Variants in DPP6 observed in about 807,000 individuals in gnomAD.
DPP6 encodes the protein A-type potassium channel modulatory protein DPP6.
Under a neutral mutation model 122.6 loss-of-function variants are expected in DPP6, and 69 were observed. The ratio of observed to expected loss-of-function variants is 0.56; its 90% CI spans 0.46 to 0.69. DPP6 has a LOEUF of 0.69. Among genes scored for constraint, DPP6 ranks in the 30% least tolerant of loss-of-function variants. The pLI is 0.00. For synonymous variants in DPP6, 418 were observed against 433.1 expected, an observed-to-expected ratio of 0.97 and a Z score of 0.43; for missense variants, 928 against 1,116.9, an observed-to-expected ratio of 0.83 and a Z score of 2.41.
intron 5 of DPP6, among the ~76,000 whole-genome samples, chr7:154,570,263 TGTTTAA>T (rs1321175956): frequency 5.9e-5 from 9 of 151,942 alleles, no homozygotes; most frequent in Admixed American, 4.6e-4. Flanking sequence ...GAAGGAAAGA[TGTTTAA>T]GTTTAATTTT....
chr7:154,669,339 G>A (rs1030724179), intron 6 of DPP6, 21 bp from the exon 7 acceptor site: 1 of 1,551,928 alleles, frequency 6.4e-7, no homozygotes, highest in South Asian at 1.2e-5. Flanking sequence ...CTTTGTTTTT[G>A]TTTGTTTGTT....
intron 1 of DPP6, among the ~76,000 whole-genome samples, chr7:153,951,089 G>T (rs1470680474): frequency 6.9e-6 from 1 of 144,476 alleles, no homozygotes; most frequent in Non-Finnish European, 1.5e-5. Flanking sequence ...TAAGAGGGAA[G>T]AAATAAAAAA....
rs976389865 is a variant in DPP6 at position 154,282,955 on chromosome 7, G to A, written c.244-163259G>A. Among the ~76,000 whole-genome samples the A allele has an allele frequency of 6.6e-6, 1 of 151,998 alleles. No individual in the cohort carries two copies. The highest frequency in any genetic ancestry group is 2.4e-5 in the African/African-American group (1 of 41,352). On this transcript the variant is annotated intron_variant, in intron 1 of 25. Transcript: ENST00000377770. This position sits in a 1 kb window ranked among gnomAD's most constrained non-coding sequence, Gnocchi z 4.8. ...TCTGATGCCTAGCTCTGGACTCAAGGGCATCAGACATCAGAACACGTCTCT... is the reference window on the plus strand; with the variant it reads ...TCTGATGCCTAGCTCTGGACTCAAGAGCATCAGACATCAGAACACGTCTCT...
chr7:154,763,813 T>C (rs898680614), intron 8 of DPP6, among the ~76,000 whole-genome samples: 1 of 152,220 alleles, frequency 6.6e-6, no homozygotes. Flanking sequence ...CTGGACTTCA[T>C]TGGCAGGTGC....
rs960487896 is a variant in DPP6 at position 154,808,664 on chromosome 7, G to A, written c.1666+1552G>A. On this transcript the variant is annotated intron_variant, in intron 16 of 25. Transcript: ENST00000377770. ...CCCAGTTCCTAGCCCAGTGACATCT[G>A]TCTCCTAGGGCGGGATCTTCTTGAA... 5.8e-4 allele frequency among the ~76,000 whole-genome samples: 88 copies of A among 152,294 alleles called. 1 individual carries two copies. The highest frequency in any genetic ancestry group is 2.0e-3 in the African/African-American group (84 of 41,562).
At chr7:154,612,683 C>T (rs576384994) in intron 5 of DPP6, among the ~76,000 whole-genome samples, 3 of 152,124 alleles carry the variant, frequency 2.0e-5, no homozygotes, top group East Asian at 1.9e-4. Context: ...TGCTGGGTTG[C>T]GTGGTGATTG....
chr7:153,852,348 G>A, the DPP6 span, among the ~76,000 whole-genome samples: 862 of 152,094 alleles, frequency 5.7e-3, 12 homozygotes, highest in African/African-American at 0.02. Flanking sequence ...TTGGCTTCTG[G>A]GGAGGCCTCA....
chr7:154,107,194 T>G (rs529531193), intron 1 of DPP6, among the ~76,000 whole-genome samples: 3 of 152,294 alleles, frequency 2.0e-5, no homozygotes, highest in Admixed American at 6.5e-5. Context: ...CCTGTGCTCA[T>G]CCACAGATGA....
intron 2 of DPP6, among the ~76,000 whole-genome samples, chr7:154,465,101 A>G (rs967068498): frequency 1.3e-5 from 2 of 152,228 alleles, no homozygotes; most frequent in Non-Finnish European, 2.9e-5. Flanking sequence ...ATATTTCTAG[A>G]CCATGGTCAA....
intron 1 of DPP6, among the ~76,000 whole-genome samples, chr7:154,023,057 GAC>G (rs1264865801): frequency 1.3e-5 from 2 of 151,996 alleles, no homozygotes; most frequent in Non-Finnish European, 2.9e-5. Context: ...AAGCTAGGAT[GAC>G]CTCTGGATCC....
chr7:154,505,414 T>A (rs1344827808), intron 3 of DPP6, among the ~76,000 whole-genome samples: 1 of 152,146 alleles, frequency 6.6e-6, no homozygotes, highest in East Asian at 1.9e-4. Context: ...TAGACAAAAT[T>A]TATGCTTAAT....
chr7:154,294,134 T>G (rs1323508144), intron 1 of DPP6, among the ~76,000 whole-genome samples: 1 of 152,222 alleles, frequency 6.6e-6, no homozygotes, highest in Non-Finnish European at 1.5e-5. Context: ...GGGCAACCCT[T>G]TATCTTACCT....
chr7:154,808,352 A>G (rs1056158593), intron 16 of DPP6, among the ~76,000 whole-genome samples: 2 of 152,206 alleles, frequency 1.3e-5, no homozygotes, highest in African/African-American at 4.8e-5. Context: ...AGCCCCTGAC[A>G]TTCTTCTAAG....
intron 1 of DPP6, among the ~76,000 whole-genome samples, chr7:153,977,801 A>G (rs1796384286): frequency 6.6e-6 from 1 of 151,736 alleles, no homozygotes; most frequent in Non-Finnish European, 1.5e-5. Flanking sequence ...GTGAGAACAC[A>G]TGGTGTTTGG....
At chr7:154,333,082 G>A (rs1311088199) in intron 1 of DPP6, among the ~76,000 whole-genome samples, 4 of 152,156 alleles carry the variant, frequency 2.6e-5, no homozygotes, top group South Asian at 2.1e-4. Context: ...ATGCCTCCAC[G>A]TCGTGATAGC....
intron 1 of DPP6, among the ~76,000 whole-genome samples, chr7:154,061,873 C>CT (rs1801989806): frequency 7.7e-6 from 1 of 130,246 alleles, no homozygotes; most frequent in Non-Finnish European, 1.7e-5. Context: ...AGGCACCCCC[C>CT]GCGAGGCAGG....
At chr7:154,677,875 G>A (rs1475060709) in intron 7 of DPP6, among the ~76,000 whole-genome samples, 1 of 152,192 alleles carries the variant, frequency 6.6e-6, no homozygotes, top group Non-Finnish European at 1.5e-5. Flanking sequence ...GAAGGTCCTA[G>A]GTAAGAGGTG....
In DPP6 at chr7:154,610,444, A is replaced by T. The variant is rs752455525; in HGVS notation, c.628-27377A>T. Among the ~76,000 whole-genome samples the T allele has an allele frequency of 2.0e-4, 31 of 152,210 alleles. 1 individual carries two copies. Among genetic ancestry groups the T allele is most frequent in the Non-Finnish European group, 2.2e-4 (15 of 68,038 alleles). The stretch of plus-strand genomic sequence containing the variant: ...GGATGATTCAAAGCAAGGAGAGAGC[A>T]GAGAAGAGTTGGGCTGAAAATTGAA... On this transcript the variant is annotated intron_variant, in intron 5 of 25. Coordinates refer to ENST00000377770, the MANE Select transcript of DPP6 (RefSeq NM_130797.4).
chr7:154,859,048 G>C (rs1030679380), intron 17 of DPP6, among the ~76,000 whole-genome samples: 1 of 152,162 alleles, frequency 6.6e-6, no homozygotes, highest in Admixed American at 6.5e-5. Flanking sequence ...TGTCTGACAA[G>C]GGGGGAAAGG....
Sources: allele counts gnomAD v4.1 joint callset (sites outside exome capture counted in the v4.1 genomes callset), GRCh38; gene constraint gnomAD v4.1.1; non-coding constraint Gnocchi (gnomAD v3.1); transcripts MANE v1.5; gene names NCBI Gene and HGNC (gene_info 2026-07-23, HGNC 2026-07-21).